GBA2: variants seen among roughly 807,000 people sequenced by gnomAD.
The protein encoded by GBA2 is non-lysosomal glucosylceramidase.
In GBA2, 79 loss-of-function variants were observed where a neutral mutation model predicts 112.9. The observed-to-expected ratio is 0.70, with a 90% confidence interval of 0.58 to 0.84. The LOEUF (loss-of-function observed/expected upper bound fraction) is 0.84. GBA2 is among the 40% of genes least tolerant of loss of function. The probability of loss-of-function intolerance (pLI) is 0.00; values close to 1 mark genes in which losing one functional copy is unlikely to be tolerated. For synonymous variants in GBA2, 403 were observed against 434.3 expected, an observed-to-expected ratio of 0.93 and a Z score of 0.90; for missense variants, 1,043 against 1,190.0, an observed-to-expected ratio of 0.88 and a Z score of 1.82.
At position 35,740,512 on chromosome 9, in the gene GBA2, A is replaced by C; in HGVS notation, c.1129+14T>G. On this transcript the variant is annotated intron_variant, in intron 6 of 16. Coordinates refer to ENST00000378103, the MANE Select transcript of GBA2 (RefSeq NM_020944.3). The surrounding 1 kb of genome is among the most constrained non-coding windows in gnomAD (Gnocchi z 4.7). The stretch of plus-strand genomic sequence containing the variant: ...CCTCTCTTCCCACCATCTCCCAGTC[A>C]GACCCCCCATCACCAGTGGGAGAGT... The C allele has an allele frequency of 6.3e-7, 1 of 1,596,734 alleles. No homozygotes were observed. The highest frequency in any genetic ancestry group is 8.6e-7 in the Non-Finnish European group (1 of 1,164,410).
At chr9:35,738,211 A>G (rs368208251) in intron 14 of GBA2, 21 bp downstream of exon 14, 134 of 1,613,656 alleles carry the variant, frequency 8.3e-5, no homozygotes, top group Non-Finnish European at 1.1e-4. Flanking sequence ...CCTTAAGACT[A>G]CTTAGGCTCC....
In GBA2 at chr9:35,739,120, GAC is replaced by G. The variant is rs754386455; in HGVS notation, c.1688-13_1688-12del. On this transcript the variant is annotated splice_polypyrimidine_tract_variant and intron_variant, in intron 10 of 16. Transcript: ENST00000378103. ...TGAGAGTGGCCAGAGCTGGGGGAGA[GAC>G]ACAGAAGGGAGGCAGGGAATGGGCA... is the stretch of plus-strand genomic sequence containing the variant. The G allele has an allele frequency of 7.4e-7, 1 of 1,349,382 alleles. No homozygotes were observed. Among genetic ancestry groups the G allele is most frequent in the South Asian group, 1.2e-5 (1 of 82,018 alleles). The allele number at this position is 1,349,382 out of a possible 1,614,324, so 83.6% of individuals were successfully genotyped here. A position where few individuals can be genotyped will look rare whatever the true frequency, so the allele number is the denominator to read the frequency against.
intron 1 of GBA2, among the ~76,000 whole-genome samples, 154 bp from the exon 2 acceptor site, chr9:35,744,860 C>T (rs1160627797): frequency 6.6e-6 from 1 of 152,134 alleles, no homozygotes; most frequent in Non-Finnish European, 1.5e-5. Flanking sequence ...AGTTCAAGGT[C>T]CCTTCATCTT....
At chr9:35,744,252 G>T in intron 3 of GBA2, 45 bp downstream of exon 3, 1 of 1,063,950 alleles carries the variant, frequency 9.4e-7, no homozygotes, top group Non-Finnish European at 1.5e-6. Flanking sequence ...TTCCTTCTTG[G>T]CCTGGGGAGG....
In GBA2 at chr9:35,748,345, C is replaced by A; in HGVS notation, c.359+1G>T. On this transcript the variant is annotated splice_donor_variant, in intron 1 of 16. Coordinates refer to ENST00000378103, the MANE Select transcript of GBA2 (RefSeq NM_020944.3). LOFTEE classifies it high-confidence loss of function. ...CATTCTAGGCAATGGGGTCTACTCA[C>A]CTCAAGCCCATGCCTATATGCTTTA... 6.3e-7 allele frequency: 1 copy of A among 1,582,952 alleles called. No individual in the cohort carries two copies. The highest frequency in any genetic ancestry group is 8.7e-7 in the Non-Finnish European group (1 of 1,154,038).
intron 1 of GBA2, among the ~76,000 whole-genome samples, chr9:35,748,051 A>G (rs527411223): frequency 2.6e-5 from 4 of 152,242 alleles, no homozygotes; most frequent in African/African-American, 7.2e-5. Flanking sequence ...TCCCAAAGGG[A>G]AGTCATTGGA....
chr9:35,746,909 G>A lies in GBA2; in HGVS notation c.359+1437C>T, dbSNP rs79260104. Among the ~76,000 whole-genome samples the A allele has an allele frequency of 1.3e-5, 2 of 152,174 alleles. No homozygotes were observed. The highest frequency in any genetic ancestry group is 2.4e-5 in the African/African-American group (1 of 41,434). ...AGAACAATTGAAATTGAGTTCTTAC[G>A]AAGGTAAGACCCAGAGAATTCTGTC... On this transcript the variant is annotated intron_variant, in intron 1 of 16. Coordinates refer to ENST00000378103, the MANE Select transcript of GBA2 (RefSeq NM_020944.3). This position sits in a 1 kb window ranked among gnomAD's most constrained non-coding sequence, Gnocchi z 5.2.
In GBA2 at chr9:35,738,613, A is replaced by G. The variant is rs1220994292; in HGVS notation, c.1967T>C (p.Met656Thr). Residue 656 changes from methionine (M) to threonine (T), a missense_variant, in exon 13 of 17, where the codon ATG becomes ACG. Physicochemically the swap from Met to Thr is moderately conservative, Grantham distance 81. Transcript: ENST00000378103. ...PVCLAVMESEMKFDKDHDGLI... is the reference protein window; with the variant it reads ...PVCLAVMESETKFDKDHDGLI... ...TCCATCATGGTCCTTGTCAAACTTC[A>G]TTTCAGATTCCATCACAGCCTAGAG... The G allele has an allele frequency of 6.2e-7, 1 of 1,613,526 alleles. No individual in the cohort carries two copies. The highest frequency in any genetic ancestry group is 1.3e-5 in the African/African-American group (1 of 74,854).
chr9:35,738,231 C>T lies in GBA2; in HGVS notation c.2197+1G>A, dbSNP rs1023456002. 2 of 1,614,226 alleles carry T rather than the reference C, an allele frequency of 1.2e-6. No homozygotes were observed. The highest frequency in any genetic ancestry group is 3.3e-4 in the Middle Eastern group (2 of 6,062). On this transcript the variant is annotated splice_donor_variant, in intron 14 of 16. Coordinates refer to ENST00000378103, the MANE Select transcript of GBA2 (RefSeq NM_020944.3). LOFTEE classifies it high-confidence loss of function. ...AGACTACTTAGGCTCCCCGAACTCA[C>T]CATTCCACAGCAGTCTCTCATAGGC...
intron 2 of GBA2, 37 bp from the exon 3 acceptor site, chr9:35,744,449 A>AGGAAAATAAGCCCATTTCTAACTTTCTAG (rs1826871526): frequency 7.9e-7 from 1 of 1,263,516 alleles, no homozygotes; most frequent in Non-Finnish European, 1.2e-6. Flanking sequence ...GTATTGGGAG[A>AGGAAAATAAGCCCATTTCTAACTTTCTAG]GGAAAATAAG....
At chr9:35,744,564 A>G (rs1423659390) in intron 2 of GBA2, 51 bp downstream of exon 2, 1 of 1,186,490 alleles carries the variant, frequency 8.4e-7, no homozygotes, top group Non-Finnish European at 1.3e-6. Flanking sequence ...ACTGTGGTAG[A>G]CCTGGAGGCT....
Position 35,737,383 on chromosome 9 carries a change from C to T in GBA2, c.2570G>A (p.Gly857Asp). 6.2e-7 allele frequency: 1 copy of T among 1,614,164 alleles called. No individual in the cohort carries two copies. Among genetic ancestry groups the T allele is most frequent in the Non-Finnish European group, 8.5e-7 (1 of 1,180,016 alleles). The part of the protein sequence containing the change: ...GCYRTVWERL[G>D]LAFQTPEAYC... Reference sequence around the variant, plus strand: ...TGCCTCTGGGGTCTGGAAGGCCAGACCCAGGCGCTCCCACACGGTACGGTA... The same window carrying T: ...TGCCTCTGGGGTCTGGAAGGCCAGATCCAGGCGCTCCCACACGGTACGGTA... The change falls in exon 17 of 17, where the codon GGT becomes GAT. Residue 857 changes from glycine (G) to aspartate (D), a missense_variant. Gly to Asp is a moderately conservative substitution (Grantham distance 94). Coordinates refer to ENST00000378103, the MANE Select transcript of GBA2 (RefSeq NM_020944.3). This position sits in a 1 kb window ranked among gnomAD's most constrained non-coding sequence, Gnocchi z 4.1.
At position 35,739,755 on chromosome 9, in the gene GBA2, G is replaced by A. The variant is rs1441576282; in HGVS notation, c.1455C>T (p.Tyr485=). 1.2e-6 allele frequency: 2 copies of A among 1,614,068 alleles called. No homozygotes were observed. Among genetic ancestry groups the A allele is most frequent in the South Asian group, 2.2e-5 (2 of 91,084 alleles). Residue 485 remains tyrosine, a synonymous_variant, in exon 9 of 17, where the codon TAC becomes TAT. Coordinates refer to ENST00000378103, the MANE Select transcript of GBA2 (RefSeq NM_020944.3). ...WYKSALFNEL[Y]FLADGGTVWL... is the part of the protein sequence containing the mutation. ...ACACTGTGCCTCCATCAGCCAGGAA[G>A]TATAGTTCATTGAACAGCGCAGATT...
rs1297346917 is a variant in GBA2 at position 35,741,365 on chromosome 9, G to A, written c.787-301C>T. The stretch of plus-strand genomic sequence containing the variant: ...TGGGGGGTGCGGTGGCGCAATCTCG[G>A]CTCACTGCAAGCTCCGCCTCCCGGG... On this transcript the variant is annotated intron_variant, in intron 4 of 16. Coordinates refer to ENST00000378103, the MANE Select transcript of GBA2 (RefSeq NM_020944.3). The surrounding 1 kb of genome is among the most constrained non-coding windows in gnomAD (Gnocchi z 4.6). 7 of 509,418 alleles carry A rather than the reference G, an allele frequency of 1.4e-5. No individual in the cohort carries two copies. Among genetic ancestry groups the A allele is most frequent in the Non-Finnish European group, 1.7e-5 (5 of 286,350 alleles). 31.6% of individuals were successfully genotyped at this position (509,418 alleles called of 1,614,324 possible). A position where few individuals can be genotyped will look rare whatever the true frequency, so the allele number is the denominator to read the frequency against.
Position 35,740,360 on chromosome 9 carries a change from G to C in GBA2, c.1132C>G (p.Gln378Glu). ...QDGQLDSPTG[Q>E]STPTQKGVGI... is the part of the protein sequence containing the mutation. ...ACTCCTTTCTGCGTAGGGGTGCTTT[G>C]GCCTGAGAGAAACACAAGAGAATTC... The change falls in exon 7 of 17, where the codon CAA becomes GAA. Residue 378 changes from glutamine to glutamate, a missense_variant and splice_region_variant. Gln to Glu is a conservative substitution (Grantham distance 29). Transcript: ENST00000378103. This position sits in a 1 kb window ranked among gnomAD's most constrained non-coding sequence, Gnocchi z 4.7. 1.2e-6 allele frequency: 2 copies of C among 1,612,494 alleles called. No individual in the cohort carries two copies. The highest frequency in any genetic ancestry group is 1.7e-6 in the Non-Finnish European group (2 of 1,179,856).
In GBA2 at chr9:35,748,428, C is replaced by G; in HGVS notation, c.277G>C (p.Glu93Gln). Residue 93 changes from glutamate to glutamine, a missense_variant, in exon 1 of 17, where the codon GAG (glutamate) becomes CAG (glutamine). Transcript: ENST00000378103. ...AAGGGTTTCCTCTTCTCTGTAAACTCATGAGCCAGACAGATGCGCCAGCCA... is the reference window on the plus strand; with the variant it reads ...AAGGGTTTCCTCTTCTCTGTAAACTGATGAGCCAGACAGATGCGCCAGCCA... ...PFGWRICLAH[E>Q]FTEKRKPFQA... 1 of 1,614,210 alleles carries G rather than the reference C, an allele frequency of 6.2e-7. No homozygotes were observed. The highest frequency in any genetic ancestry group is 8.5e-7 in the Non-Finnish European group (1 of 1,180,030).
At position 35,740,206 on chromosome 9, in the gene GBA2, C is replaced by T. The variant is rs1826566114; in HGVS notation, c.1283+3G>A. 6.2e-7 allele frequency: 1 copy of T among 1,614,002 alleles called. No homozygotes were observed. Among genetic ancestry groups the T allele is most frequent in the South Asian group, 1.1e-5 (1 of 91,082 alleles). ...GATCCTTACACTTTCTTGGTCCCCT[C>T]ACCTGTAGTGGACTTGGCCTTTAGC... On this transcript the variant is annotated splice_donor_region_variant and intron_variant, in intron 7 of 16. Coordinates refer to ENST00000378103, the MANE Select transcript of GBA2 (RefSeq NM_020944.3). This position sits in a 1 kb window ranked among gnomAD's most constrained non-coding sequence, Gnocchi z 4.7.
rs775647372 is a variant in GBA2 at position 35,744,607 on chromosome 9, G to A, written c.451+8C>T. 3.2e-6 allele frequency: 5 copies of A among 1,550,188 alleles called. No homozygotes were observed. The highest frequency in any genetic ancestry group is 4.5e-6 in the Non-Finnish European group (5 of 1,121,648). On this transcript the variant is annotated splice_region_variant and intron_variant, in intron 2 of 16. Coordinates refer to ENST00000378103, the MANE Select transcript of GBA2 (RefSeq NM_020944.3). ...CTCTGAGCAGAGCAGAGATGGGGTG[G>A]GGCTCACCATAAATCTGTCTTAGGG...
chr9:35,743,378 T>C (rs1826807379), intron 3 of GBA2: 1 of 153,650 alleles, frequency 6.5e-6, no homozygotes, highest in African/African-American at 2.4e-5. Flanking sequence ...GTTTTTAATA[T>C]TAAACAGTAT....
Sources: gnomAD v4.1 joint callset for allele counts (sites outside exome capture counted in the v4.1 genomes callset) on GRCh38, gnomAD v4.1.1 for gene constraint, Gnocchi (gnomAD v3.1) non-coding constraint, MANE v1.5 for transcripts, NCBI Gene and HGNC (gene_info 2026-07-23, HGNC 2026-07-21) for gene names.